The following ZFP1 variants were observed in gnomAD, a reference collection of about 807,000 sequenced individuals.
The protein encoded by ZFP1 is zinc finger protein 1 homolog.
A neutral mutation model predicts 38.5 loss-of-function variants in ZFP1; 32 were observed. The ratio of observed to expected loss-of-function variants is 0.83; its 90% CI spans 0.63 to 1.12. The LOEUF (loss-of-function observed/expected upper bound fraction) is 1.12, where lower values mean the gene tolerates loss of function less well. Ranked by LOEUF, ZFP1 falls within the 50% of genes most tolerant of loss-of-function variation. ZFP1 has a pLI of 0.00. For missense variants in ZFP1, 616 were observed against 480.8 expected (o/e 1.28, Z -2.63); for synonymous variants, 245 against 168.8 (o/e 1.45, Z -3.50).
In ZFP1 at chr16:75,170,050, C is replaced by CGTGAAT. The variant is rs763118043; in HGVS notation, c.940_941insGTGAAT (p.His314delinsArgGluTyr). 1 of 1,614,194 alleles carries CGTGAAT rather than the reference C, an allele frequency of 6.2e-7. No individual in the cohort carries two copies. The highest frequency in any genetic ancestry group is 2.2e-5 in the East Asian group (1 of 44,890). On this transcript the variant is annotated protein_altering_variant, in exon 4 of 4. Transcript: ENST00000570010. Reference sequence around the variant, plus strand: ...CTTTAAGAAGTCAAACCTTATCATACATCAGAAGATTCACACGGGGGAGAA... The same window carrying CGTGAAT: ...CTTTAAGAAGTCAAACCTTATCATACGTGAATATCAGAAGATTCACACGGGGGAGAA...
chr16:75,169,305 G>C lies in ZFP1; in HGVS notation c.195G>C (p.Glu65Asp). 1 of 1,613,990 alleles carries C rather than the reference G, an allele frequency of 6.2e-7. No individual in the cohort carries two copies. The highest frequency in any genetic ancestry group is 8.5e-7 in the Non-Finnish European group (1 of 1,179,980). ...QMERDHRNPD[E>D]QARQFLILKN... ...AGAGAGACCACAGAAACCCAGACGA[G>C]CAGGCGAGGCAATTTTTAATTCTTA... Residue 65 changes from glutamate to aspartate, a missense_variant, in exon 4 of 4, where the codon GAG (glutamate) becomes GAC (aspartate). Transcript: ENST00000570010.
intron 1 of ZFP1, among the ~76,000 whole-genome samples, chr16:75,150,698 T>C (rs2145494500): frequency 6.6e-6 from 1 of 152,014 alleles, no homozygotes; most frequent in South Asian, 2.1e-4. Flanking sequence ...CAAAGTGCTT[T>C]ACAGGCGTGA....
At chr16:75,137,112 T>C in the ZFP1 span, among the ~76,000 whole-genome samples, 2 of 152,016 alleles carry the variant, frequency 1.3e-5, no homozygotes, top group African/African-American at 2.4e-5. Context: ...GAAGGAAATA[T>C]ATGAGATGGC....
At chr16:75,168,014 TCACA>T (rs2038192341) in intron 3 of ZFP1, among the ~76,000 whole-genome samples, 1 of 151,910 alleles carries the variant, frequency 6.6e-6, no homozygotes, top group Non-Finnish European at 1.5e-5. Context: ...TGAGCTGAGA[TCACA>T]CCATTATACT....
intron 2 of ZFP1, among the ~76,000 whole-genome samples, chr16:75,161,641 C>T (rs1190102718): frequency 6.7e-6 from 1 of 149,990 alleles, no homozygotes; most frequent in Non-Finnish European, 1.5e-5. Context: ...ACAGGCTTTT[C>T]TCTTTGCAGC....
At position 75,148,650 on chromosome 16, in the gene ZFP1, G is replaced by A. The variant is rs2037005154; in HGVS notation, c.-44+7G>A. On this transcript the variant is annotated splice_region_variant and intron_variant, in intron 1 of 3. Coordinates refer to ENST00000570010, the MANE Select transcript of ZFP1 (RefSeq NM_153688.4). ...GGAGGCTGCGCCCCTCCAGGTACGA[G>A]AGGGGCTTCCAGGTAGCTCCGCGCG... The A allele has an allele frequency of 6.6e-6, 1 of 152,326 alleles. No individual in the cohort carries two copies. Among genetic ancestry groups the A allele is most frequent in the Non-Finnish European group, 1.5e-5 (1 of 68,100 alleles). 9.4% of individuals were successfully genotyped at this position (152,326 alleles called of 1,614,324 possible).
chr16:75,146,162 A>ATCTAAT (rs2036941544), upstream of ZFP1, among the ~76,000 whole-genome samples: 2 of 141,688 alleles, frequency 1.4e-5, no homozygotes, highest in Admixed American at 7.1e-5. Context: ...AACCATGCTA[A>ATCTAAT]TTTTTTTTTT....
chr16:75,126,569 A>C, the ZFP1 span, among the ~76,000 whole-genome samples: 1 of 152,104 alleles, frequency 6.6e-6, no homozygotes, highest in African/African-American at 2.4e-5. Context: ...ACACCAGGCT[A>C]ATTTTTGTAT....
At chr16:75,136,878 AAAAG>A in the ZFP1 span, among the ~76,000 whole-genome samples, 1,062 of 136,304 alleles carry the variant, frequency 7.8e-3, 5 homozygotes, top group African/African-American at 0.038. Context: ...CTCAAAAAAG[AAAAG>A]AAAAGGAAAA....
At chr16:75,122,342 C>A in the ZFP1 span, among the ~76,000 whole-genome samples, 1 of 152,076 alleles carries the variant, frequency 6.6e-6, no homozygotes, top group Non-Finnish European at 1.5e-5. Context: ...GCAGTAAGGG[C>A]GGTTACAGAA....
At chr16:75,144,837 C>A (rs903929478), upstream of ZFP1, among the ~76,000 whole-genome samples, 21 of 151,894 alleles carry the variant, frequency 1.4e-4, no homozygotes, top group Middle Eastern at 3.4e-3. Flanking sequence ...TTTTTCTTTT[C>A]TTTTCTTTTA....
upstream of ZFP1, among the ~76,000 whole-genome samples, chr16:75,147,576 T>G (rs574695258): frequency 5.7e-4 from 87 of 152,146 alleles, no homozygotes; most frequent in African/African-American, 2.0e-3. Context: ...TGTGAGCCAC[T>G]GAGCCTGGCC....
upstream of ZFP1, among the ~76,000 whole-genome samples, chr16:75,143,772 T>G (rs2036912961): frequency 6.7e-6 from 1 of 148,886 alleles, no homozygotes; most frequent in Admixed American, 6.8e-5. Flanking sequence ...CCACCTCAGC[T>G]TCCAGAGTAG....
At chr16:75,144,517 T>A (rs1024619527), upstream of ZFP1, among the ~76,000 whole-genome samples, 2 of 152,212 alleles carry the variant, frequency 1.3e-5, no homozygotes, top group African/African-American at 4.8e-5. Flanking sequence ...TGTATATACA[T>A]CTTTCCATAA....
intron 1 of ZFP1, among the ~76,000 whole-genome samples, chr16:75,151,607 A>C (rs1019637253): frequency 5.3e-5 from 8 of 152,108 alleles, no homozygotes; most frequent in African/African-American, 1.9e-4. Flanking sequence ...TATACTCCCA[A>C]TTTCATCCTC....
intron 2 of ZFP1, chr16:75,166,553 AC>A (rs2038093049): frequency 1.0e-6 from 1 of 985,132 alleles, no homozygotes; most frequent in African/African-American, 1.7e-5. Context: ...AATCTGAGAC[AC>A]CTATCAAATA....
intron 2 of ZFP1, among the ~76,000 whole-genome samples, chr16:75,159,227 A>T: frequency 7.0e-6 from 1 of 142,514 alleles, no homozygotes; most frequent in Admixed American, 7.0e-5. Flanking sequence ...TTTCTCCTTC[A>T]TTCCTTCCTT....
chr16:75,142,260 G>A, the ZFP1 span, among the ~76,000 whole-genome samples: 141,165 of 150,770 alleles, frequency 0.94, 66,196 homozygotes, highest in African/African-American at 0.96. Context: ...CCAGCTACTC[G>A]GGAGGCTGAG....
the ZFP1 span, chr16:75,132,642 C>A: frequency 1.5e-5 from 2 of 133,902 alleles, no homozygotes; most frequent in Admixed American, 1.6e-4. Flanking sequence ...TTGTCTATTT[C>A]ATTTCATTTC....
Sources: gnomAD v4.1 joint callset for allele counts (sites outside exome capture counted in the v4.1 genomes callset) on GRCh38, gnomAD v4.1.1 for gene constraint, MANE v1.5 for transcripts, NCBI Gene and HGNC (gene_info 2026-07-23, HGNC 2026-07-21) for gene names.